CDC40: variants seen among roughly 807,000 people sequenced by gnomAD.
CDC40 encodes the protein pre-mRNA-processing factor 17.
In CDC40, 27 loss-of-function variants were observed where a neutral mutation model predicts 80.6. The ratio of observed to expected loss-of-function variants is 0.33; its 90% CI spans 0.25 to 0.46. The LOEUF is 0.46. Ranked by LOEUF, CDC40 falls within the 20% of genes least tolerant of loss-of-function variation. The probability of loss-of-function intolerance (pLI) is 1.00; values close to 1 mark genes in which losing one functional copy is unlikely to be tolerated. For missense variants in CDC40, 486 were observed against 694.1 expected (o/e 0.70, Z 3.37); for synonymous variants, 221 against 232.6 (o/e 0.95, Z 0.45).
chr6:110,230,122 G>C lies in CDC40; in HGVS notation c.1731G>C (p.Leu577Phe), dbSNP rs1407512495. Residue 577 changes from leucine to phenylalanine, a missense_variant, in exon 15 of 15, where the codon TTG (leucine) becomes TTC (phenylalanine). Transcript: ENST00000307731. ...ITCGWDGLIK[L>F]WD Reference sequence around the variant, plus strand: ...GTGGTTGGGATGGTCTCATTAAATTGTGGGATTAATGAGATTAATCCTTAA... The same window carrying C: ...GTGGTTGGGATGGTCTCATTAAATTCTGGGATTAATGAGATTAATCCTTAA... 6.2e-7 allele frequency: 1 copy of C among 1,605,480 alleles called. No individual in the cohort carries two copies. Among genetic ancestry groups the C allele is most frequent in the Admixed American group, 1.7e-5 (1 of 59,918 alleles).
chr6:110,191,461 T>C (rs1777348108), intron 1 of CDC40, among the ~76,000 whole-genome samples: 1 of 152,166 alleles, frequency 6.6e-6, no homozygotes, highest in African/African-American at 2.4e-5. Context: ...GTGTGCAAAA[T>C]CCGCCTTGTG....
intron 14 of CDC40, 48 bp downstream of exon 14, chr6:110,229,024 T>TA (rs1412802242): frequency 7.0e-7 from 1 of 1,419,080 alleles, no homozygotes; most frequent in Admixed American, 2.2e-5. Context: ...TATGATTATA[T>TA]AAACTGTTGT....
chr6:110,193,363 C>G (rs1777376505), intron 2 of CDC40, 95 bp downstream of exon 2: 9 of 709,538 alleles, frequency 1.3e-5, no homozygotes. Context: ...AGTTTTATCA[C>G]ATAAGCATAC....
intron 9 of CDC40, among the ~76,000 whole-genome samples, chr6:110,216,115 A>G (rs1199466849): frequency 1.3e-5 from 2 of 152,186 alleles, no homozygotes; most frequent in African/African-American, 4.8e-5. Context: ...TCGAGCTTTG[A>G]AGAGAGACTG....
At chr6:110,180,734 AGAGAT>A in intron 1 of CDC40, 101 bp downstream of exon 1, 1 of 793,322 alleles carries the variant, frequency 1.3e-6, no homozygotes, top group Non-Finnish European at 2.1e-6. Flanking sequence ...CTCAGTGCTC[AGAGAT>A]AAGTTGCTAA....
At position 110,185,217 on chromosome 6, in the gene CDC40, C is replaced by T. The variant is rs540040426; in HGVS notation, c.189+4584C>T. On this transcript the variant is annotated intron_variant, in intron 1 of 14. Coordinates refer to ENST00000307731, the MANE Select transcript of CDC40 (RefSeq NM_015891.3). ...CACTTCTTTCTTTCTCTCTTTCACC[C>T]TTTCTTTTTCTTCATCTTTTTTTCT... Among the ~76,000 whole-genome samples the T allele has an allele frequency of 5.3e-5, 8 of 150,584 alleles. No individual in the cohort carries two copies. The East Asian group carries it at 5.8e-4, about 11-fold the overall frequency.
At chr6:110,210,414 G>C (rs1050317215) in intron 5 of CDC40, among the ~76,000 whole-genome samples, 7 of 151,708 alleles carry the variant, frequency 4.6e-5, no homozygotes, top group Non-Finnish European at 1.0e-4. Flanking sequence ...GCCAGGCGTG[G>C]TAGTGTGCAC....
intron 1 of CDC40, among the ~76,000 whole-genome samples, chr6:110,184,405 A>C (rs1777239009): frequency 7.4e-6 from 1 of 134,550 alleles, no homozygotes; most frequent in South Asian, 2.3e-4. Flanking sequence ...TTTCTCCCAA[A>C]GTTTGTAATT....
At chr6:110,196,275 T>A (rs1022972227) in intron 2 of CDC40, among the ~76,000 whole-genome samples, 3 of 152,212 alleles carry the variant, frequency 2.0e-5, no homozygotes, top group Non-Finnish European at 4.4e-5. Flanking sequence ...TGCCTTTGAC[T>A]TTGCTAGTTC....
chr6:110,217,598 A>T, intron 9 of CDC40, 104 bp from the exon 10 acceptor site: 1 of 685,118 alleles, frequency 1.5e-6, no homozygotes, highest in Non-Finnish European at 2.7e-6. Context: ...CTCACAGCTG[A>T]GAACCACTGC....
chr6:110,216,764 T>C (rs1777704584), intron 9 of CDC40, among the ~76,000 whole-genome samples: 1 of 152,228 alleles, frequency 6.6e-6, no homozygotes, highest in African/African-American at 2.4e-5. Context: ...AGGAACATTT[T>C]TGCTTTTGTT....
chr6:110,197,673 G>T (rs931349809), intron 2 of CDC40, among the ~76,000 whole-genome samples: 1 of 143,756 alleles, frequency 7.0e-6, no homozygotes, highest in African/African-American at 2.6e-5. Context: ...CCACATGTGG[G>T]ATCATGTGAT....
chr6:110,209,063 A>ATT, intron 4 of CDC40, 21 bp from the exon 5 acceptor site: 36 of 1,247,016 alleles, frequency 2.9e-5, no homozygotes, highest in Non-Finnish European at 3.3e-5. Context: ...TTTTTTTTTA[A>ATT]TTTTTTTTTT....
intron 3 of CDC40, among the ~76,000 whole-genome samples, chr6:110,203,722 C>T (rs1160984995): frequency 6.6e-6 from 1 of 152,164 alleles, no homozygotes; most frequent in Non-Finnish European, 1.5e-5. Flanking sequence ...TTTACTGTGT[C>T]ATCCCGTTTA....
At chr6:110,195,911 G>T (rs1400216036) in intron 2 of CDC40, among the ~76,000 whole-genome samples, 2 of 152,126 alleles carry the variant, frequency 1.3e-5, no homozygotes, top group Admixed American at 6.5e-5. Flanking sequence ...ATTTGTGAGG[G>T]TCTTAAATAG....
chr6:110,180,432 AT>A lies in CDC40; in HGVS notation c.-10del, dbSNP rs747823990. On this transcript the variant is annotated 5_prime_UTR_variant, in exon 1 of 15. Transcript: ENST00000307731. ...CGCCCTGGCAGGGTCTCCGCAGAAGATTTGTTGCCGTCATGTCGGCTGCGAT... is the reference window on the plus strand; with the variant it reads ...CGCCCTGGCAGGGTCTCCGCAGAAGATTGTTGCCGTCATGTCGGCTGCGAT... The A allele has an allele frequency of 2.3e-4, 370 of 1,613,716 alleles. 3 individuals carry two copies. In the South Asian group the frequency reaches 3.4e-3, roughly 15 times the overall value.
chr6:110,229,991 A>G lies in CDC40; in HGVS notation c.1600A>G (p.Ile534Val), dbSNP rs1777914913. 1 of 1,611,728 alleles carries G rather than the reference A, an allele frequency of 6.2e-7. No homozygotes were observed. Among genetic ancestry groups the G allele is most frequent in the Non-Finnish European group, 8.5e-7 (1 of 1,178,186 alleles). ...AGGAGATGGAAATGGAAAATTAAAC[A>G]TTTGGGACTGGAAGACCACAAAACT... The part of the protein sequence containing the change: ...ISGDGNGKLN[I>V]WDWKTTKLYS... Residue 534 changes from isoleucine to valine, a missense_variant, in exon 15 of 15, where the codon ATT becomes GTT. Physicochemically the swap from Ile to Val is conservative, Grantham distance 29. This residue lies in a region of CDC40 where 88 missense variants were observed against 138.7 expected (regional missense o/e 0.63). Coordinates refer to ENST00000307731, the MANE Select transcript of CDC40 (RefSeq NM_015891.3).
At chr6:110,220,443 C>CTTT (rs57659156) in intron 12 of CDC40, among the ~76,000 whole-genome samples, 22 of 60,776 alleles carry the variant, frequency 3.6e-4, no homozygotes, top group South Asian at 6.6e-4. Context: ...GAGAAAGGCA[C>CTTT]TTTTTTTTTT....
At chr6:110,228,761 A>T (rs1777897289) in intron 13 of CDC40, 71 bp from the exon 14 acceptor site, 1 of 1,174,390 alleles carries the variant, frequency 8.5e-7, no homozygotes, top group Admixed American at 2.8e-5. Context: ...CACAGTGAAC[A>T]TATTTAAAAT....
Sources: gnomAD v4.1 joint callset for allele counts (sites outside exome capture counted in the v4.1 genomes callset) on GRCh38, gnomAD v4.1.1 for gene constraint, gnomAD v4.1.1 regional missense constraint, MANE v1.5 for transcripts, NCBI Gene and HGNC (gene_info 2026-07-23, HGNC 2026-07-21) for gene names.